The following NRXN3 variants were observed in gnomAD, a reference collection of about 807,000 sequenced individuals.
NRXN3 encodes the protein neurexin III.
In NRXN3, 32 loss-of-function variants were observed where a neutral mutation model predicts 137.6. That is an observed-to-expected ratio of 0.23 (90% confidence interval 0.18 to 0.31). The LOEUF (loss-of-function observed/expected upper bound fraction) is 0.31, where lower values mean the gene tolerates loss of function less well. NRXN3 is among the 10% of genes least tolerant of loss of function. NRXN3 has a pLI of 1.00. For missense variants in NRXN3, 1,574 were observed against 2,062.5 expected (o/e 0.76, Z 4.59); for synonymous variants, 798 against 784.5 (o/e 1.02, Z -0.29).
chr14:78,217,196 T>C (rs2063378076), intron 1 of NRXN3, among the ~76,000 whole-genome samples: 1 of 152,240 alleles, frequency 6.6e-6, no homozygotes, highest in Non-Finnish European at 1.5e-5. Context: ...ATTTTATAAA[T>C]GTATGAGACT....
intron 19 of NRXN3, among the ~76,000 whole-genome samples, chr14:79,750,130 G>A (rs559871593): frequency 6.6e-6 from 1 of 152,194 alleles, no homozygotes; most frequent in African/African-American, 2.4e-5. Flanking sequence ...CAGCAGAGAA[G>A]GACTGGATTA....
At chr14:78,878,950 C>T (rs1371040728) in intron 10 of NRXN3, among the ~76,000 whole-genome samples, 3 of 152,048 alleles carry the variant, frequency 2.0e-5, no homozygotes, top group Non-Finnish European at 4.4e-5. Context: ...CGAGGTCGTG[C>T]AGTATTTGTC....
chr14:78,178,139 A>G (rs939597478), intron 1 of NRXN3, among the ~76,000 whole-genome samples: 3 of 152,222 alleles, frequency 2.0e-5, no homozygotes, highest in African/African-American at 4.8e-5. Flanking sequence ...TGATGACATC[A>G]TGATTCAAAC....
At chr14:79,463,436 A>G (rs1266170909) in intron 15 of NRXN3, among the ~76,000 whole-genome samples, 1 of 152,060 alleles carries the variant, frequency 6.6e-6, no homozygotes, top group African/African-American at 2.4e-5. Context: ...GCCAATTATG[A>G]AAACAATAAG....
At chr14:78,835,253 G>C (rs2098993251) in intron 10 of NRXN3, among the ~76,000 whole-genome samples, 1 of 152,178 alleles carries the variant, frequency 6.6e-6, no homozygotes, top group Non-Finnish European at 1.5e-5. Context: ...GCTGATGACA[G>C]CTCTGCTTGC....
chr14:78,294,555 C>CAA (rs199592742), intron 3 of NRXN3, among the ~76,000 whole-genome samples: 52 of 106,372 alleles, frequency 4.9e-4, no homozygotes, highest in East Asian at 7.9e-4. Context: ...GATTCCGTCT[C>CAA]AAAAAAAAAA....
chr14:79,087,524 A>T (rs1216715270), intron 15 of NRXN3, among the ~76,000 whole-genome samples: 1 of 152,206 alleles, frequency 6.6e-6, no homozygotes, highest in Non-Finnish European at 1.5e-5. Flanking sequence ...GGAAACACAG[A>T]ACCAACAGTG....
chr14:79,577,720 T>C (rs962521138), intron 16 of NRXN3, among the ~76,000 whole-genome samples: 1 of 152,196 alleles, frequency 6.6e-6, no homozygotes, highest in Non-Finnish European at 1.5e-5. Context: ...ATGTGGCACA[T>C]AGTAGAGCTC....
intron 19 of NRXN3, among the ~76,000 whole-genome samples, chr14:79,752,057 G>A (rs1315983727): frequency 1.3e-5 from 2 of 152,102 alleles, no homozygotes; most frequent in African/African-American, 4.8e-5. Context: ...TCTCTGTCCA[G>A]CTTTGGTATC....
chr14:79,640,557 G>T (rs2098427076), intron 16 of NRXN3, among the ~76,000 whole-genome samples: 1 of 135,128 alleles, frequency 7.4e-6, no homozygotes, highest in Non-Finnish European at 1.7e-5. Context: ...TTTTTATGTT[G>T]ATTACCAAGA....
intron 4 of NRXN3, among the ~76,000 whole-genome samples, chr14:78,412,104 T>A (rs1040191197): frequency 6.6e-6 from 1 of 152,230 alleles, no homozygotes; most frequent in African/African-American, 2.4e-5. Context: ...CACAGTGTAG[T>A]AAGACGTTAA....
intron 15 of NRXN3, among the ~76,000 whole-genome samples, chr14:79,135,193 G>T (rs1314625134): frequency 6.6e-6 from 1 of 152,156 alleles, no homozygotes; most frequent in African/African-American, 2.4e-5. Flanking sequence ...CTGTTTATTT[G>T]TATGTGGCAT....
intron 16 of NRXN3, among the ~76,000 whole-genome samples, chr14:79,533,895 T>C (rs1301463098): frequency 6.6e-6 from 1 of 152,196 alleles, no homozygotes; most frequent in Non-Finnish European, 1.5e-5. Context: ...ACGCTCAGCT[T>C]ACTTAATGCT....
chr14:79,593,548 G>A (rs1051188262), intron 16 of NRXN3, among the ~76,000 whole-genome samples: 14 of 147,080 alleles, frequency 9.5e-5, no homozygotes, highest in Admixed American at 2.1e-4. Context: ...GGAGAATGGC[G>A]TGAACCCGGG....
intron 4 of NRXN3, among the ~76,000 whole-genome samples, chr14:78,428,684 G>A (rs540547147): frequency 7.6e-4 from 116 of 152,260 alleles, no homozygotes; most frequent in African/African-American, 2.5e-3. Flanking sequence ...AGCTGATGTT[G>A]TAGTTCTAGT....
rs186682659 is a variant in NRXN3 at position 79,720,447 on chromosome 14, G to A, written c.4014+22510G>A. On this transcript the variant is annotated intron_variant, in intron 19 of 20. Transcript: ENST00000335750. The stretch of plus-strand genomic sequence containing the variant: ...ACTCTGCCAGGCTCCTTTTCTCAGT[G>A]CCTCCACAAGTGGTTTACTTGTTGT... Among the ~76,000 whole-genome samples, 75 of 152,122 alleles carry A rather than the reference G, an allele frequency of 4.9e-4. No individual in the cohort carries two copies. The Middle Eastern group carries it at 0.014, about 28-fold the overall frequency.
intron 4 of NRXN3, among the ~76,000 whole-genome samples, chr14:78,643,737 A>G (rs1373505886): frequency 3.3e-5 from 5 of 152,152 alleles, no homozygotes; most frequent in Non-Finnish European, 7.3e-5. Context: ...AGGGTCTGGT[A>G]TGAATGCATG....
intron 19 of NRXN3, among the ~76,000 whole-genome samples, chr14:79,710,372 A>G (rs867695865): frequency 6.6e-6 from 1 of 152,190 alleles, no homozygotes; most frequent in Non-Finnish European, 1.5e-5. Context: ...ATAAAAATCT[A>G]TTTATGTGTT....
intron 10 of NRXN3, among the ~76,000 whole-genome samples, chr14:78,918,643 G>T (rs1271596347): frequency 2.0e-5 from 3 of 152,082 alleles, no homozygotes; most frequent in Admixed American, 6.6e-5. Context: ...TTTTTCTCTT[G>T]ATTTCATTTT....
Sources: gnomAD v4.1 joint callset for allele counts (sites outside exome capture counted in the v4.1 genomes callset) on GRCh38, gnomAD v4.1.1 for gene constraint, MANE v1.5 for transcripts, NCBI Gene and HGNC (gene_info 2026-07-23, HGNC 2026-07-21) for gene names.